MACF1: variants seen among roughly 807,000 people sequenced by gnomAD.
MACF1 encodes microtubule-actin cross-linking factor 1.
In MACF1, 193 loss-of-function variants were observed where a neutral mutation model predicts 854.8. The observed-to-expected ratio is 0.23, with a 90% CI of 0.20 to 0.25. MACF1 has a LOEUF of 0.25. Ranked by LOEUF, MACF1 falls within the 10% of genes least tolerant of loss-of-function variation. The pLI is 1.00. For missense variants in MACF1, 7,722 were observed against 8,929.1 expected, an observed-to-expected ratio of 0.86 and a Z score of 5.45; for synonymous variants, 3,185 against 3,226.7, an observed-to-expected ratio of 0.99 and a Z score of 0.44.
intron 44 of MACF1, among the ~76,000 whole-genome samples, chr1:39,356,083 A>G (rs1183586844): frequency 2.0e-5 from 3 of 152,166 alleles, no homozygotes; most frequent in African/African-American, 7.2e-5. Flanking sequence ...TATAGGTAGT[A>G]AGGAACACTG....
chr1:39,458,541 A>T, intron 90 of MACF1, 51 bp downstream of exon 90: 1 of 1,548,114 alleles, frequency 6.5e-7, no homozygotes, highest in Admixed American at 2.0e-5. Flanking sequence ...CTAATTGAGG[A>T]TGAGCACTTT....
rs1384815465 is a variant in MACF1 at position 39,283,778 on chromosome 1, A to C, written c.915+263A>C. 1.3e-5 allele frequency among the ~76,000 whole-genome samples: 2 copies of C among 152,192 alleles called. No homozygotes were observed. Among genetic ancestry groups the C allele is most frequent in the Non-Finnish European group, 2.9e-5 (2 of 68,036 alleles). Reference sequence around the variant, plus strand: ...CCCCAGCTGTAATTCAAGATGAGGAAGTGTTTTATCAGTCACTTATGTATC... The same window carrying C: ...CCCCAGCTGTAATTCAAGATGAGGACGTGTTTTATCAGTCACTTATGTATC... On this transcript the variant is annotated intron_variant, in intron 9 of 100. Transcript: ENST00000564288. The surrounding 1 kb of genome is among the most constrained non-coding windows in gnomAD (Gnocchi z 4.5).
At chr1:39,338,613 T>C (rs1321750372) in intron 38 of MACF1, among the ~76,000 whole-genome samples, 3 of 152,232 alleles carry the variant, frequency 2.0e-5, no homozygotes. Context: ...TGGATGTTCA[T>C]TCTCTGAGGA....
rs1646577030 is a variant in MACF1 at position 39,324,752 on chromosome 1, G to A, written c.4478+18G>A. ...GGTCATAAGTGAGTATTAAATGAGA[G>A]ATTATGGCACATCTGGGGCACCTGG... is the stretch of plus-strand genomic sequence containing the variant. On this transcript the variant is annotated intron_variant, in intron 35 of 100. Transcript: ENST00000564288. 6.4e-7 allele frequency: 1 copy of A among 1,573,820 alleles called. No homozygotes were observed. Among genetic ancestry groups the A allele is most frequent in the Non-Finnish European group, 8.7e-7 (1 of 1,144,776 alleles).
intron 6 of MACF1, among the ~76,000 whole-genome samples, chr1:39,265,781 TC>T (rs34038920): frequency 3.3e-5 from 5 of 152,030 alleles, no homozygotes; most frequent in Non-Finnish European, 1.5e-5. Context: ...TATCTTAGGA[TC>T]CCCCCGGGGG....
chr1:39,464,976 G>A lies in MACF1; in HGVS notation c.21754-119G>A, dbSNP rs904453866. ...AGCTTGGTAAGAATATGTTCAGTGTGTGTCACTTTGCCAGAAAAATGTAAT... is the reference window on the plus strand; with the variant it reads ...AGCTTGGTAAGAATATGTTCAGTGTATGTCACTTTGCCAGAAAAATGTAAT... On this transcript the variant is annotated intron_variant, in intron 94 of 100. Coordinates refer to ENST00000564288, the MANE Select transcript of MACF1 (RefSeq NM_001394062.1). The A allele has an allele frequency of 1.4e-5, 12 of 881,952 alleles. No homozygotes were observed. The East Asian group carries it at 1.9e-4, about 14-fold the overall frequency. 54.6% of individuals were successfully genotyped at this position (881,952 alleles called of 1,614,324 possible). A position where few individuals can be genotyped will look rare whatever the true frequency, so the allele number is the denominator to read the frequency against.
chr1:39,301,585 C>G (rs535821989), intron 22 of MACF1, among the ~76,000 whole-genome samples: 124 of 151,410 alleles, frequency 8.2e-4, no homozygotes, highest in African/African-American at 2.8e-3. Flanking sequence ...GCCATCACGC[C>G]CAGCTAATTT....
At chr1:39,342,297 C>T (rs1311663212) in intron 40 of MACF1, among the ~76,000 whole-genome samples, 1 of 151,892 alleles carries the variant, frequency 6.6e-6, no homozygotes, top group Non-Finnish European at 1.5e-5. Context: ...TCCAGTGTAC[C>T]ATTGATGGGC....
chr1:39,410,999 A>G, intron 58 of MACF1: 2 of 1,614,036 alleles, frequency 1.2e-6, no homozygotes, highest in South Asian at 2.2e-5. Context: ...ACAAGTGGTA[A>G]CACAGATGTA....
rs559827177 is a variant in MACF1 at position 39,346,799 on chromosome 1, A to G, written c.10582-178A>G. On this transcript the variant is annotated intron_variant, in intron 40 of 100. Transcript: ENST00000564288. The stretch of plus-strand genomic sequence containing the variant: ...CTCCCAAAGTGCTGGGATTACAGGC[A>G]TGAGCCACCGCACCTGGCCAAGAGA... Among the ~76,000 whole-genome samples, 6 of 152,276 alleles carry G rather than the reference A, an allele frequency of 3.9e-5. No individual in the cohort carries two copies. In the East Asian group the frequency reaches 5.8e-4, roughly 15 times the overall value.
chr1:39,428,010 T>G lies in MACF1; in HGVS notation c.16526T>G (p.Val5509Gly), dbSNP rs1643779775. The G allele has an allele frequency of 6.2e-7, 1 of 1,614,192 alleles. No individual in the cohort carries two copies. The highest frequency in any genetic ancestry group is 8.5e-7 in the Non-Finnish European group (1 of 1,180,030). ...ENHATDVHQAVKIGQSLSSLT... is the reference protein window; with the variant it reads ...ENHATDVHQAGKIGQSLSSLT... ...CATGCAACAGATGTGCACCAGGCAG[T>G]CAAAATTGGGCAGTCCCTCTCCTCC... Residue 5509 changes from valine (V) to glycine (G), a missense_variant, in exon 63 of 101, where the codon GTC becomes GGC. By Grantham distance (109) the Val-to-Gly change is moderately radical. Around this residue, in one of 15 missense-constraint regions of MACF1, gnomAD observed 2,807 missense variants for 3,235.8 expected, o/e 0.87. Transcript: ENST00000564288.
chr1:39,416,900 A>G (rs1295644541), intron 58 of MACF1, among the ~76,000 whole-genome samples: 1 of 152,242 alleles, frequency 6.6e-6, no homozygotes, highest in Non-Finnish European at 1.5e-5. Context: ...TAGAGAGGCC[A>G]TTTTGAAAAT....
intron 6 of MACF1, among the ~76,000 whole-genome samples, chr1:39,259,132 T>G (rs12071112): frequency 1.3e-5 from 2 of 152,172 alleles, no homozygotes; most frequent in Non-Finnish European, 2.9e-5. Flanking sequence ...GGAACTCTTA[T>G]GAACAGAGGA....
rs544770225 is a variant in MACF1, at chr1:39,095,898, A to G, written c.220+11460A>G. Among the ~76,000 whole-genome samples, 252 of 150,098 alleles carry G rather than the reference A, an allele frequency of 1.7e-3. 1 individual carries two copies. Among genetic ancestry groups the G allele is most frequent in the African/African-American group, 6.0e-3 (241 of 40,490 alleles). On this transcript the variant is annotated intron_variant, in intron 2 of 93. Coordinates refer to the MACF1 transcript ENST00000361689. The stretch of plus-strand genomic sequence containing the variant: ...TCAAAAAAAAAAATGGCTGGGTGCA[A>G]TGGCTCATGCCTGTAATCCCAACAC...
chr1:39,314,523 T>C (rs1394739189), intron 26 of MACF1, among the ~76,000 whole-genome samples: 1 of 151,100 alleles, frequency 6.6e-6, no homozygotes, highest in Non-Finnish European at 1.5e-5. Flanking sequence ...TAGATCAATA[T>C]ATTTATTGAT....
chr1:39,264,214 G>A (rs898500952), intron 6 of MACF1, among the ~76,000 whole-genome samples: 1 of 152,190 alleles, frequency 6.6e-6, no homozygotes, highest in Admixed American at 6.5e-5. Flanking sequence ...GCATCCTTGT[G>A]CCTATAGCAA....
Position 39,460,941 on chromosome 1 carries a change from G to T in MACF1, c.21523+147G>T. The T allele has an allele frequency of 1.2e-6, 1 of 865,296 alleles. No homozygotes were observed. The highest frequency in any genetic ancestry group is 2.5e-5 in the East Asian group (1 of 40,664). The allele number at this position is 865,296 out of a possible 1,614,324, so 53.6% of individuals were successfully genotyped here. A position where few individuals can be genotyped will look rare whatever the true frequency, so the allele number is the denominator to read the frequency against. ...ATTCCAGCACTTTGGGAGGCAGGTGGCAAAGGCATGGTGGCACACTTGCAG... is the reference window on the plus strand; with the variant it reads ...ATTCCAGCACTTTGGGAGGCAGGTGTCAAAGGCATGGTGGCACACTTGCAG... On this transcript the variant is annotated intron_variant, in intron 92 of 100. Coordinates refer to ENST00000564288, the MANE Select transcript of MACF1 (RefSeq NM_001394062.1). The surrounding 1 kb of genome is among the most constrained non-coding windows in gnomAD (Gnocchi z 4.1).
At chr1:39,443,323 A>G in intron 78 of MACF1, 123 bp from the exon 79 acceptor site, 1 of 951,578 alleles carries the variant, frequency 1.1e-6, no homozygotes, top group Non-Finnish European at 1.5e-6. Context: ...GCAACAGAAC[A>G]GCTTTGCCAG....
rs561406987 is a variant in MACF1, at chr1:39,435,638, C to T, written c.17865C>T (p.Asn5955=). 1.2e-6 allele frequency: 2 copies of T among 1,614,092 alleles called. No homozygotes were observed. The highest frequency in any genetic ancestry group is 1.7e-6 in the Non-Finnish European group (2 of 1,179,990). The change falls in exon 70 of 101, where the codon AAC becomes AAT. Residue 5955 remains asparagine, a synonymous_variant. Coordinates refer to ENST00000564288, the MANE Select transcript of MACF1 (RefSeq NM_001394062.1). ...TAGGCCCACAACTAAAGGAATTAAACCCTGAGGAAGGGGAAATGGTGGAAG... is the reference window on the plus strand; with the variant it reads ...TAGGCCCACAACTAAAGGAATTAAATCCTGAGGAAGGGGAAATGGTGGAAG... The part of the protein sequence containing the change: ...LKIGPQLKEL[N]PEEGEMVEEK...
Sources: gnomAD v4.1 joint callset for allele counts (sites outside exome capture counted in the v4.1 genomes callset) on GRCh38, gnomAD v4.1.1 for gene constraint, gnomAD v4.1.1 regional missense constraint, Gnocchi (gnomAD v3.1) non-coding constraint, MANE v1.5 for transcripts, NCBI Gene and HGNC (gene_info 2026-07-23, HGNC 2026-07-21) for gene names.